The following NOL4 variants were observed in gnomAD, a reference collection of about 807,000 sequenced individuals.
The protein encoded by NOL4 is nucleolar protein 4, also known as cancer/testis antigen 125.
A neutral mutation model predicts 75.9 loss-of-function variants in NOL4; 17 were observed. The observed-to-expected ratio is 0.22, with a 90% CI of 0.15 to 0.34. The LOEUF (loss-of-function observed/expected upper bound fraction) is 0.34, where lower values mean the gene tolerates loss of function less well. Ranked by LOEUF, NOL4 falls within the 10% of genes least tolerant of loss-of-function variation. The probability of loss-of-function intolerance (pLI) is 1.00; values close to 1 mark genes in which losing one functional copy is unlikely to be tolerated. For synonymous variants in NOL4, 292 were observed against 289.9 expected (o/e 1.01, Z -0.07); for missense variants, 614 against 793.5 (o/e 0.77, Z 2.72).
At chr18:34,221,348 CAAT>C (rs1209840295) in intron 1 of NOL4, 1 of 152,154 alleles carries the variant, frequency 6.6e-6, no homozygotes, top group Non-Finnish European at 1.5e-5. Flanking sequence ...TGAATTCTAA[CAAT>C]AAATTATTTT....
intron 6 of NOL4, among the ~76,000 whole-genome samples, chr18:33,968,759 T>C (rs1268540147): frequency 2.0e-5 from 3 of 152,096 alleles, no homozygotes; most frequent in Non-Finnish European, 4.4e-5. Flanking sequence ...AACCTGCACA[T>C]GTACCCCGGG....
chr18:33,922,220 C>T (rs1027866810), intron 9 of NOL4, among the ~76,000 whole-genome samples: 1 of 152,152 alleles, frequency 6.6e-6, no homozygotes, highest in African/African-American at 2.4e-5. Context: ...TAATAAATTC[C>T]CTTCTGCTTA....
rs532770554 is a variant in NOL4 at position 34,019,390 on chromosome 18, C to G, written c.984G>C (p.Gly328=). 22 of 1,613,956 alleles carry G rather than the reference C, an allele frequency of 1.4e-5. No individual in the cohort carries two copies. The South Asian group carries it at 2.3e-4, about 17-fold the overall frequency. ...TTAGAAGATTCTTATACTTGTTTTT[C>G]CCATTACTGTTGTGATCATCTATTC... ...EYRIDDHNSN[G]KNKYKNLLIS... The change falls in exon 6 of 11, where the codon GGG becomes GGC. Residue 328 remains glycine (G), a synonymous_variant. Transcript: ENST00000261592.
chr18:34,150,006 C>T (rs1283948710), intron 1 of NOL4, among the ~76,000 whole-genome samples: 3 of 151,506 alleles, frequency 2.0e-5, no homozygotes, highest in East Asian at 3.9e-4. Context: ...TATCGTATTC[C>T]TCTATTTACT....
In NOL4 at chr18:33,942,690, G is replaced by A. The variant is rs76515652; in HGVS notation, c.1542+375C>T. Reference sequence around the variant, plus strand: ...AGTAGGCCAGAGGAAATTAAGGAGAGGTTGGTTCATTTCATTCGAAATGAA... The same window carrying A: ...AGTAGGCCAGAGGAAATTAAGGAGAAGTTGGTTCATTTCATTCGAAATGAA... On this transcript the variant is annotated intron_variant, in intron 9 of 10. Transcript: ENST00000261592. 4.7e-3 allele frequency among the ~76,000 whole-genome samples: 707 copies of A among 151,824 alleles called. 8 individuals are homozygous for A. Among genetic ancestry groups the A allele is most frequent in the African/African-American group, 0.016 (679 of 41,436 alleles).
chr18:34,174,949 C>A (rs2033403859), intron 1 of NOL4, among the ~76,000 whole-genome samples: 1 of 152,030 alleles, frequency 6.6e-6, no homozygotes, highest in South Asian at 2.1e-4. Flanking sequence ...TGGGTTGGTT[C>A]AAAGTCTTTG....
intron 9 of NOL4, among the ~76,000 whole-genome samples, chr18:33,904,700 A>G (rs9967424): frequency 0.037 from 5,596 of 152,266 alleles, 225 homozygotes; most frequent in African/African-American, 0.098. Flanking sequence ...ATTCTCCTAT[A>G]ACCTGTTAAA....
chr18:33,930,763 T>C (rs1386050469), intron 9 of NOL4, among the ~76,000 whole-genome samples: 2 of 152,116 alleles, frequency 1.3e-5, no homozygotes, highest in Non-Finnish European at 2.9e-5. Context: ...GTTGTGAATA[T>C]CAAACAGAAA....
chr18:33,942,230 A>G (rs927072070), intron 9 of NOL4, among the ~76,000 whole-genome samples: 3 of 152,020 alleles, frequency 2.0e-5, no homozygotes, highest in Admixed American at 6.6e-5. Context: ...AGCAATATAA[A>G]GCATATAATC....
At chr18:34,183,471 C>G (rs2034209814) in intron 1 of NOL4, 1 of 151,864 alleles carries the variant, frequency 6.6e-6, no homozygotes, top group African/African-American at 2.4e-5. Context: ...CTTTTGAAAA[C>G]AGTTTGGCAA....
chr18:34,071,751 G>C (rs1395007761), intron 5 of NOL4, among the ~76,000 whole-genome samples: 1 of 152,056 alleles, frequency 6.6e-6, no homozygotes, highest in African/African-American at 2.4e-5. Context: ...TGTTCATTAG[G>C]TTAGGTGTAT....
chr18:33,858,840 G>T (rs374700853), intron 10 of NOL4, among the ~76,000 whole-genome samples: 3 of 151,946 alleles, frequency 2.0e-5, no homozygotes, highest in African/African-American at 7.2e-5. Context: ...TACTGATTCA[G>T]TTTGTGTAAT....
chr18:33,867,075 A>G (rs1453900217), intron 10 of NOL4, among the ~76,000 whole-genome samples: 1 of 152,150 alleles, frequency 6.6e-6, no homozygotes, highest in Non-Finnish European at 1.5e-5. Context: ...TCCTGTTTCA[A>G]CAAGCTGACA....
At chr18:34,014,053 C>G (rs1011248672) in intron 6 of NOL4, among the ~76,000 whole-genome samples, 4 of 151,854 alleles carry the variant, frequency 2.6e-5, no homozygotes, top group African/African-American at 9.7e-5. Context: ...CAATCCATCG[C>G]TCTTAGTTTG....
At chr18:34,074,115 A>C (rs2145300828) in intron 5 of NOL4, among the ~76,000 whole-genome samples, 1 of 151,892 alleles carries the variant, frequency 6.6e-6, no homozygotes, top group African/African-American at 2.4e-5. Context: ...AAAAAGGAGA[A>C]TAGTCAAAGA....
chr18:34,099,361 T>TGAAAAAAAAAAAAAAAAAAAAAAA (rs1307217942), intron 4 of NOL4, among the ~76,000 whole-genome samples: 1 of 36,782 alleles, frequency 2.7e-5, no homozygotes, highest in Admixed American at 3.2e-4. Context: ...AGACTTTGTC[T>TGAAAAAAAAAAAAAAAAAAAAAAA]CAAAAAAAAA....
intron 1 of NOL4, among the ~76,000 whole-genome samples, chr18:34,155,314 C>T (rs907499429): frequency 6.6e-6 from 1 of 151,720 alleles, no homozygotes; most frequent in African/African-American, 2.4e-5. Flanking sequence ...ACCTTGATAA[C>T]TGAGTTGGAA....
chr18:33,883,204 A>G lies in NOL4; in HGVS notation c.1723+40T>C, dbSNP rs371757556. 13 of 1,477,998 alleles carry G rather than the reference A, an allele frequency of 8.8e-6. No homozygotes were observed. The African/African-American group carries it at 1.6e-4, about 18-fold the overall frequency. The allele number at this position is 1,477,998 out of a possible 1,614,324, so 91.6% of individuals were successfully genotyped here. On this transcript the variant is annotated intron_variant, in intron 10 of 10. Coordinates refer to ENST00000261592, the MANE Select transcript of NOL4 (RefSeq NM_003787.5). ...ACATGTACCCTAAAACTTAAAGTATAATAATTAAAAAAAAAACACAATCTA... is the reference window on the plus strand; with the variant it reads ...ACATGTACCCTAAAACTTAAAGTATGATAATTAAAAAAAAAACACAATCTA...
At position 33,883,368 on chromosome 18, in the gene NOL4, G is replaced by A. The variant is rs375543934; in HGVS notation, c.1599C>T (p.Tyr533=). 33 of 1,613,084 alleles carry A rather than the reference G, an allele frequency of 2.0e-5. No homozygotes were observed. The African/African-American group carries it at 2.7e-4, about 13-fold the overall frequency. The change falls in exon 10 of 11, where the codon TAC becomes TAT. Residue 533 remains tyrosine, a synonymous_variant. Coordinates refer to ENST00000261592, the MANE Select transcript of NOL4 (RefSeq NM_003787.5). ...GTGAGCCTGGAACAGCTGATGTTGA[G>A]TAAGTGGCCTGGGTCGCCTCTGGTT... The part of the protein sequence containing the change: ...QCKPEATQAT[Y]STSAVPGSQD...
Sources: gnomAD v4.1 joint callset for allele counts (sites outside exome capture counted in the v4.1 genomes callset) on GRCh38, gnomAD v4.1.1 for gene constraint, MANE v1.5 for transcripts, NCBI Gene and HGNC (gene_info 2026-07-23, HGNC 2026-07-21) for gene names.